Variants in TMEM132D observed in about 807,000 individuals in gnomAD.
The protein encoded by TMEM132D is mature OL transmembrane protein.
Under a neutral mutation model 62.3 loss-of-function variants are expected in TMEM132D, and 21 were observed. That is an observed-to-expected ratio of 0.34 (90% confidence interval 0.24 to 0.49). The LOEUF (loss-of-function observed/expected upper bound fraction) is 0.49. Ranked by LOEUF, TMEM132D falls within the 20% of genes least tolerant of loss-of-function variation. The probability of loss-of-function intolerance (pLI) is 0.99; values close to 1 mark genes in which losing one functional copy is unlikely to be tolerated. For missense variants in TMEM132D, 1,346 were observed against 1,402.8 expected (o/e 0.96, Z 0.65); for synonymous variants, 621 against 575.6 (o/e 1.08, Z -1.13).
At chr12:129,836,813 G>C in intron 1 of TMEM132D, among the ~76,000 whole-genome samples, 1 of 152,116 alleles carries the variant, frequency 6.6e-6, no homozygotes, top group East Asian at 1.9e-4. Flanking sequence ...CCAGCAGTCT[G>C]AGGCAACGAT....
chr12:129,086,396 C>A (rs997506892), intron 5 of TMEM132D, among the ~76,000 whole-genome samples: 1 of 152,086 alleles, frequency 6.6e-6, no homozygotes, highest in Non-Finnish European at 1.5e-5. Context: ...TCAACCTCCC[C>A]CTAACCTCCA....
intron 7 of TMEM132D, among the ~76,000 whole-genome samples, chr12:129,078,978 C>T (rs112883264): frequency 6.6e-6 from 1 of 152,198 alleles, no homozygotes; most frequent in African/African-American, 2.4e-5. Flanking sequence ...TCCCCACACC[C>T]CACACATCAG....
rs939179681 is a variant in TMEM132D, at chr12:129,903,970, C to G, written c.-631G>C. ...CTGCTCCCCGGCCGCCGCCTCGGCCCGCCCGGCCCCGGGCCCGGCTGGGGC... is the reference window on the plus strand; with the variant it reads ...CTGCTCCCCGGCCGCCGCCTCGGCCGGCCCGGCCCCGGGCCCGGCTGGGGC... On this transcript the variant is annotated 5_prime_UTR_variant, in exon 1 of 9. Transcript: ENST00000422113. This position sits in a 1 kb window ranked among gnomAD's most constrained non-coding sequence, Gnocchi z 6.2. Among the ~76,000 whole-genome samples the G allele has an allele frequency of 7.4e-5, 11 of 148,646 alleles. No homozygotes were observed. The highest frequency in any genetic ancestry group is 6.0e-4 in the Admixed American group (9 of 14,926).
chr12:129,553,956 G>T (rs777397933), intron 2 of TMEM132D, among the ~76,000 whole-genome samples: 1 of 152,124 alleles, frequency 6.6e-6, no homozygotes. Context: ...AACTCTCCAA[G>T]CTTTCTTTCC....
intron 5 of TMEM132D, among the ~76,000 whole-genome samples, chr12:129,166,834 CA>C (rs1208405808): frequency 6.6e-6 from 1 of 151,544 alleles, no homozygotes; most frequent in Non-Finnish European, 1.5e-5. Context: ...TCGGAAGACA[CA>C]AGTACATTTT....
At chr12:129,611,445 A>T (rs12821839) in intron 2 of TMEM132D, among the ~76,000 whole-genome samples, 21,787 of 152,184 alleles carry the variant, frequency 0.14, 1,662 homozygotes, top group Middle Eastern at 0.24. Flanking sequence ...CTTGTCTACA[A>T]CTGAAATGGG....
At chr12:129,524,766 T>G (rs2137083896) in intron 3 of TMEM132D, among the ~76,000 whole-genome samples, 1 of 151,544 alleles carries the variant, frequency 6.6e-6, no homozygotes, top group South Asian at 2.1e-4. Context: ...GGTATAAGAG[T>G]TCTCTGTTCT....
At position 129,778,228 on chromosome 12, in the gene TMEM132D, T is replaced by TA. The variant is rs765169234; in HGVS notation, c.80-77531dup. ...AATATTTTTTATTTCTCCCATTCTTTAAAAAAAATTACCAGAAATTGCCCC... is the reference window on the plus strand; with the variant it reads ...AATATTTTTTATTTCTCCCATTCTTTAAAAAAAAATTACCAGAAATTGCCCC... On this transcript the variant is annotated intron_variant, in intron 1 of 8. Transcript: ENST00000422113. 7.9e-5 allele frequency among the ~76,000 whole-genome samples: 12 copies of TA among 151,862 alleles called. No individual in the cohort carries two copies. In the South Asian group the frequency reaches 1.0e-3, roughly 13 times the overall value.
intron 5 of TMEM132D, among the ~76,000 whole-genome samples, chr12:129,174,858 C>T (rs942351201): frequency 1.2e-4 from 19 of 152,120 alleles, no homozygotes; most frequent in East Asian, 3.9e-4. Flanking sequence ...ATAGGTCTGT[C>T]GGCTGCATAC....
At chr12:129,839,592 T>C (rs189610268) in intron 1 of TMEM132D, among the ~76,000 whole-genome samples, 114 of 152,218 alleles carry the variant, frequency 7.5e-4, no homozygotes, top group African/African-American at 2.6e-3. Context: ...AGTACATAGG[T>C]AGTTTTGGCC....
intron 2 of TMEM132D, 115 bp from the exon 3 acceptor site, chr12:129,531,320 A>G: frequency 7.8e-7 from 1 of 1,278,256 alleles, no homozygotes; most frequent in Non-Finnish European, 1.0e-6. Context: ...GTGTAAGCTC[A>G]TGTATACTAG....
At chr12:129,576,403 A>AAT (rs1286877762) in intron 2 of TMEM132D, among the ~76,000 whole-genome samples, 2 of 151,812 alleles carry the variant, frequency 1.3e-5, no homozygotes, top group Non-Finnish European at 2.9e-5. Flanking sequence ...AGAACAACAG[A>AAT]ATATATATAT....
In TMEM132D at chr12:129,750,337, G is replaced by A. The variant is rs11060535; in HGVS notation, c.80-49639C>T. Among the ~76,000 whole-genome samples the A allele has an allele frequency of 3.2e-3, 488 of 152,144 alleles. 5 individuals carry two copies. The highest frequency in any genetic ancestry group is 2.4e-3 in the Non-Finnish European group (165 of 67,994). ...CTGACCTCATGATCTGGCCTGCCTC[G>A]GCCTCCCAAAGTGCTGGGATTACAG... On this transcript the variant is annotated intron_variant, in intron 1 of 8. Coordinates refer to ENST00000422113, the MANE Select transcript of TMEM132D (RefSeq NM_133448.3).
intron 5 of TMEM132D, among the ~76,000 whole-genome samples, chr12:129,091,602 C>A (rs185151079): frequency 1.3e-3 from 198 of 152,008 alleles, no homozygotes; most frequent in Non-Finnish European, 2.4e-3. Context: ...GCTCTGGAGA[C>A]CCTACCTATC....
At chr12:129,264,449 A>G (rs1593315966) in intron 4 of TMEM132D, among the ~76,000 whole-genome samples, 1 of 152,314 alleles carries the variant, frequency 6.6e-6, no homozygotes, top group South Asian at 2.1e-4. Flanking sequence ...GTGATCAGGG[A>G]ACACTTCTAC....
intron 3 of TMEM132D, among the ~76,000 whole-genome samples, chr12:129,378,839 C>T (rs967355394): frequency 2.0e-5 from 3 of 152,144 alleles, no homozygotes; most frequent in Non-Finnish European, 4.4e-5. Flanking sequence ...ACAGGAATGG[C>T]GGCCGTTGAC....
intron 2 of TMEM132D, among the ~76,000 whole-genome samples, chr12:129,582,578 A>G (rs1877901567): frequency 6.6e-6 from 1 of 151,474 alleles, no homozygotes; most frequent in Non-Finnish European, 1.5e-5. Context: ...TTAGGTAAAT[A>G]GTATTTGAAC....
intron 1 of TMEM132D, among the ~76,000 whole-genome samples, chr12:129,822,737 G>A (rs1444021849): frequency 6.6e-6 from 1 of 152,186 alleles, no homozygotes; most frequent in Admixed American, 6.5e-5. Context: ...AGCGAAGGGG[G>A]AAGTCCCTTA....
At chr12:129,405,178 C>A (rs1222586279) in intron 3 of TMEM132D, among the ~76,000 whole-genome samples, 1 of 152,140 alleles carries the variant, frequency 6.6e-6, no homozygotes, top group South Asian at 2.1e-4. Flanking sequence ...AGGCTAGAAG[C>A]CTGAGATCAA....
Sources: gnomAD v4.1 joint callset for allele counts (sites outside exome capture counted in the v4.1 genomes callset) on GRCh38, gnomAD v4.1.1 for gene constraint, Gnocchi (gnomAD v3.1) non-coding constraint, MANE v1.5 for transcripts, NCBI Gene and HGNC (gene_info 2026-07-23, HGNC 2026-07-21) for gene names.